MCM8: variants seen among roughly 807,000 people sequenced by gnomAD.
The protein encoded by MCM8 is DNA helicase MCM8.
MCM8 carries 85 observed loss-of-function variants against 98.9 expected under a neutral mutation model. The ratio of observed to expected loss-of-function variants is 0.86; its 90% CI spans 0.72 to 1.03. The LOEUF (loss-of-function observed/expected upper bound fraction) is 1.03, where lower values mean the gene tolerates loss of function less well. Among genes scored for constraint, MCM8 ranks in the 50% least tolerant of loss-of-function variants. The pLI is 0.00. For missense variants in MCM8, 951 were observed against 997.8 expected (o/e 0.95, Z 0.63); for synonymous variants, 352 against 338.6 (o/e 1.04, Z -0.44).
At chr20:5,980,512 A>G (rs1257936066) in intron 13 of MCM8, among the ~76,000 whole-genome samples, 2 of 152,212 alleles carry the variant, frequency 1.3e-5, no homozygotes, top group Non-Finnish European at 2.9e-5. Flanking sequence ...ATCTTTGCTA[A>G]GTTACCAGGT....
At chr20:5,980,870 T>C (rs1194338247) in intron 13 of MCM8, among the ~76,000 whole-genome samples, 1 of 125,224 alleles carries the variant, frequency 8.0e-6, no homozygotes, top group Non-Finnish European at 1.6e-5. Context: ...AAACTCTGTC[T>C]CTCAAAAAAA....
At chr20:5,991,958 A>G (rs2089862153) in intron 17 of MCM8, among the ~76,000 whole-genome samples, 2 of 152,224 alleles carry the variant, frequency 1.3e-5, no homozygotes, top group Admixed American at 1.3e-4. Context: ...TGACAGTTGA[A>G]TAAGAAAATT....
At chr20:5,955,637 T>C (rs1270067639) in intron 5 of MCM8, among the ~76,000 whole-genome samples, 2 of 152,348 alleles carry the variant, frequency 1.3e-5, no homozygotes, top group East Asian at 1.9e-4. Flanking sequence ...ATTTAGGTTC[T>C]GTGGCATGAA....
chr20:5,980,417 CATTTA>C (rs2122782595), intron 13 of MCM8, among the ~76,000 whole-genome samples: 1 of 151,956 alleles, frequency 6.6e-6, no homozygotes, highest in African/African-American at 2.4e-5. Flanking sequence ...AAATTTATTG[CATTTA>C]TATCTAGTAA....
chr20:5,993,565 G>T lies in MCM8; in HGVS notation c.2300G>T (p.Gly767Val). The change falls in exon 18 of 19, where the codon GGT (glycine) becomes GTT (valine). Residue 767 changes from glycine (G) to valine (V), a missense_variant. Physicochemically the swap from Gly to Val is moderately radical, Grantham distance 109. Coordinates refer to ENST00000610722, the MANE Select transcript of MCM8 (RefSeq NM_032485.6). ...GNLDFERSQH[G>V]SGMSNRSTAK... The stretch of plus-strand genomic sequence containing the variant: ...CTAGATTTTGAGCGATCCCAGCATG[G>T]TTCTGGAATGAGCAACAGGTCAACA... 6.2e-7 allele frequency: 1 copy of T among 1,611,358 alleles called. No individual in the cohort carries two copies. Among genetic ancestry groups the T allele is most frequent in the African/African-American group, 1.3e-5 (1 of 75,032 alleles).
intron 13 of MCM8, among the ~76,000 whole-genome samples, chr20:5,980,469 C>G (rs1291623373): frequency 1.3e-5 from 2 of 151,980 alleles, no homozygotes; most frequent in East Asian, 3.9e-4. Flanking sequence ...AAACATGTAT[C>G]TCGTTATTAT....
At chr20:5,979,606 T>G (rs925251221) in intron 13 of MCM8, among the ~76,000 whole-genome samples, 1 of 152,192 alleles carries the variant, frequency 6.6e-6, no homozygotes, top group African/African-American at 2.4e-5. Flanking sequence ...TGACTTTTTC[T>G]CATACCCCAC....
intron 3 of MCM8, among the ~76,000 whole-genome samples, chr20:5,953,549 C>T (rs181612644): frequency 1.3e-5 from 2 of 151,910 alleles, no homozygotes; most frequent in African/African-American, 4.8e-5. Context: ...TCTTGGCTCA[C>T]TGCAAGCTCT....
chr20:5,959,097 T>A (rs1229871653), intron 7 of MCM8, among the ~76,000 whole-genome samples: 11 of 152,026 alleles, frequency 7.2e-5, no homozygotes, highest in Non-Finnish European at 5.9e-5. Context: ...ACACACCAAG[T>A]TTTTTTTCCC....
At chr20:5,987,396 CA>C in intron 17 of MCM8, 38 bp downstream of exon 17, 3 of 1,527,136 alleles carry the variant, frequency 2.0e-6, no homozygotes, top group Non-Finnish European at 2.7e-6. Context: ...AATGAAATAC[CA>C]GTTATCTTCC....
At chr20:5,972,809 T>G in intron 11 of MCM8, 1 of 1,431,408 alleles carries the variant, frequency 7.0e-7, no homozygotes, top group Non-Finnish European at 9.2e-7. Context: ...GGAATGGATT[T>G]ATGCCTTGCA....
intron 6 of MCM8, 24 bp from the exon 7 acceptor site, chr20:5,958,504 C>G: frequency 6.3e-7 from 1 of 1,581,226 alleles, no homozygotes; most frequent in South Asian, 1.1e-5. Context: ...ATTTTCTGTT[C>G]ATTACTTCCT....
intron 17 of MCM8, 37 bp downstream of exon 17, chr20:5,987,395 C>G: frequency 6.5e-7 from 1 of 1,533,734 alleles, no homozygotes; most frequent in Non-Finnish European, 8.9e-7. Flanking sequence ...AAATGAAATA[C>G]CAGTTATCTT....
chr20:5,958,482 T>C lies in MCM8; in HGVS notation c.591-46T>C, dbSNP rs142716267. On this transcript the variant is annotated intron_variant, in intron 6 of 18. Coordinates refer to ENST00000610722, the MANE Select transcript of MCM8 (RefSeq NM_032485.6). ...CTCCTAAAAGGAACTTGTGAAAATA[T>C]AAAAAACATCAATTTTCTGTTCATT... 1.9e-4 allele frequency: 279 copies of C among 1,505,780 alleles called. No individual in the cohort carries two copies. The African/African-American group carries it at 3.5e-3, about 19-fold the overall frequency. The allele number at this position is 1,505,780 out of a possible 1,614,324, so 93.3% of individuals were successfully genotyped here.
At chr20:5,987,842 A>G (rs1454479539) in intron 17 of MCM8, among the ~76,000 whole-genome samples, 1 of 152,208 alleles carries the variant, frequency 6.6e-6, no homozygotes, top group Non-Finnish European at 1.5e-5. Flanking sequence ...TAATGCTACA[A>G]TGAGTAATGT....
Position 5,994,490 on chromosome 20 carries a change from C to G in MCM8, c.*99C>G, listed in dbSNP as rs1600323494. 8 of 557,064 alleles carry G rather than the reference C, an allele frequency of 1.4e-5. No individual in the cohort carries two copies. Among genetic ancestry groups the G allele is most frequent in the East Asian group, 7.0e-5 (2 of 28,678 alleles). 34.5% of individuals were successfully genotyped at this position (557,064 alleles called of 1,614,324 possible). ...GCACAGACAGACAGACACACACACA[C>G]ACACACACACACACACACACACACA... On this transcript the variant is annotated 3_prime_UTR_variant, in exon 19 of 19. Transcript: ENST00000610722.
intron 1 of MCM8, among the ~76,000 whole-genome samples, chr20:5,951,652 G>A (rs1274805105): frequency 6.6e-6 from 1 of 152,166 alleles, no homozygotes; most frequent in Non-Finnish European, 1.5e-5. Context: ...ATAATAAGAA[G>A]TCTCAAATAC....
At chr20:5,960,955 A>G (rs1407953025) in intron 7 of MCM8, among the ~76,000 whole-genome samples, 1 of 152,210 alleles carries the variant, frequency 6.6e-6, no homozygotes, top group Non-Finnish European at 1.5e-5. Flanking sequence ...ATAAATAAAT[A>G]AGAAGCCCTT....
At position 5,994,705 on chromosome 20, in the gene MCM8, C is replaced by T. The variant is rs1411493597; in HGVS notation, c.*314C>T. ...CTTGAGGCCAGGGTTCGAGACCAAC[C>T]TTGGGCAACATAGCAAGACCCCATT... On this transcript the variant is annotated 3_prime_UTR_variant, in exon 19 of 19. Coordinates refer to ENST00000610722, the MANE Select transcript of MCM8 (RefSeq NM_032485.6). The T allele has an allele frequency of 6.4e-6, 3 of 469,416 alleles. No homozygotes were observed. The highest frequency in any genetic ancestry group is 6.0e-5 in the African/African-American group (3 of 49,628). The allele number at this position is 469,416 out of a possible 1,614,324, so 29.1% of individuals were successfully genotyped here. A position where few individuals can be genotyped will look rare whatever the true frequency, so the allele number is the denominator to read the frequency against.
Sources: allele counts gnomAD v4.1 joint callset (sites outside exome capture counted in the v4.1 genomes callset), GRCh38; gene constraint gnomAD v4.1.1; transcripts MANE v1.5; gene names NCBI Gene and HGNC (gene_info 2026-07-23, HGNC 2026-07-21).